The following CEP295NL variants were observed in gnomAD, a reference collection of about 807,000 sequenced individuals.
CEP295NL encodes the protein protein DDC8 homolog.
In CEP295NL, 3 loss-of-function variants were observed where a neutral mutation model predicts 4.6. The observed-to-expected ratio is 0.65, with a 90% confidence interval of 0.30 to 1.69. The LOEUF is 1.69. Ranked by LOEUF, CEP295NL falls within the 40% of genes most tolerant of loss-of-function variation. The probability of loss-of-function intolerance (pLI) is 0.10; values close to 1 mark genes in which losing one functional copy is unlikely to be tolerated. For missense variants in CEP295NL, 719 were observed against 769.0 expected (o/e 0.93, Z 0.77); for synonymous variants, 295 against 312.2 (o/e 0.94, Z 0.58).
At chr17:78,893,637 G>A (rs895595575) in intron 2 of CEP295NL, among the ~76,000 whole-genome samples, 1 of 152,010 alleles carries the variant, frequency 6.6e-6, no homozygotes, top group African/African-American at 2.4e-5. Flanking sequence ...GTGTGTGTAT[G>A]TGTATGTGTC....
In CEP295NL at chr17:78,901,835, G is replaced by A. The variant is rs574621964; in HGVS notation, c.-7C>T. The A allele has an allele frequency of 3.2e-5, 23 of 710,710 alleles. No homozygotes were observed. In the African/African-American group the frequency reaches 3.7e-4, roughly 11 times the overall value. 44.0% of individuals were successfully genotyped at this position (710,710 alleles called of 1,614,324 possible). ...TAGACCACCCAGAACACATTACAGG[G>A]AGGCAGAAGCTGACAGGAGGGCAGG... On this transcript the variant is annotated 5_prime_UTR_variant, in exon 2 of 3. Transcript: ENST00000322630.
In CEP295NL at chr17:78,890,580, AC is replaced by A; in HGVS notation, c.*57del. On this transcript the variant is annotated 3_prime_UTR_variant, in exon 3 of 3. Transcript: ENST00000322630. ...AAACACAGATCTTAGAGACCCGGGT[AC>A]CAGTGCTGGCAGCACCATTATCAGT... 6.7e-7 allele frequency: 1 copy of A among 1,490,234 alleles called. No individual in the cohort carries two copies. The highest frequency in any genetic ancestry group is 9.0e-7 in the Non-Finnish European group (1 of 1,107,324). 92.3% of individuals were successfully genotyped at this position (1,490,234 alleles called of 1,614,324 possible).
intron 1 of CEP295NL, among the ~76,000 whole-genome samples, 165 bp downstream of exon 1, chr17:78,902,969 C>T (rs1258165144): frequency 6.6e-6 from 1 of 152,252 alleles, no homozygotes; most frequent in Non-Finnish European, 1.5e-5. Flanking sequence ...GACTTTGCCG[C>T]TGGCCTTGCG....
chr17:78,890,652 G>T lies in CEP295NL; in HGVS notation c.1852C>A (p.Gln618Lys), dbSNP rs1248792014. ...GCCTCTCGCATTTAGCATATGTTCT[G>T]AAACTCCCGCAAGCATTTCCGGGCT... ...EEARKCLREFQNIC is the reference protein window; with the variant it reads ...EEARKCLREFKNIC The change falls in exon 3 of 3, where the codon CAG (glutamine) becomes AAG (lysine). Residue 618 changes from glutamine (Q) to lysine (K), a missense_variant. Physicochemically the swap from Gln to Lys is moderately conservative, Grantham distance 53. Transcript: ENST00000322630. The T allele has an allele frequency of 1.3e-6, 2 of 1,550,158 alleles. No homozygotes were observed. Among genetic ancestry groups the T allele is most frequent in the Non-Finnish European group, 1.7e-6 (2 of 1,146,664 alleles).
intron 2 of CEP295NL, among the ~76,000 whole-genome samples, chr17:78,900,766 TA>T (rs1016315397): frequency 2.0e-5 from 3 of 151,922 alleles, no homozygotes; most frequent in Non-Finnish European, 4.4e-5. Context: ...TCTTACAAGA[TA>T]AAAAAAGGTA....
In CEP295NL at chr17:78,890,698, C is replaced by A; in HGVS notation, c.1806G>T (p.Leu602Phe). ...QQQQILQQNR[L>F]HKQFLEEARK... ...GGGCTTCTTCAAGAAACTGCTTGTGCAACCTGTTTTGCTGTAAGATCTGCT... is the reference window on the plus strand; with the variant it reads ...GGGCTTCTTCAAGAAACTGCTTGTGAAACCTGTTTTGCTGTAAGATCTGCT... The change falls in exon 3 of 3, where the codon TTG becomes TTT. Residue 602 changes from leucine (L) to phenylalanine (F), a missense_variant. Transcript: ENST00000322630. 3 of 1,550,606 alleles carry A rather than the reference C, an allele frequency of 1.9e-6. No homozygotes were observed. The highest frequency in any genetic ancestry group is 2.6e-6 in the Non-Finnish European group (3 of 1,147,000).
Position 78,891,980 on chromosome 17 carries a change from C to T in CEP295NL, c.524G>A (p.Ser175Asn), listed in dbSNP as rs1471843756. 2 of 1,550,592 alleles carry T rather than the reference C, an allele frequency of 1.3e-6. No homozygotes were observed. Among genetic ancestry groups the T allele is most frequent in the African/African-American group, 1.4e-5 (1 of 73,048 alleles). Residue 175 changes from serine to asparagine, a missense_variant, in exon 3 of 3, where the codon AGT (serine) becomes AAT (asparagine). Ser to Asn is a conservative substitution (Grantham distance 46). Coordinates refer to ENST00000322630, the MANE Select transcript of CEP295NL (RefSeq NM_001243540.2). This position sits in a 1 kb window ranked among gnomAD's most constrained non-coding sequence, Gnocchi z 4.5. ...CTCTTCCCTGCAACTCCTCTCTTCACTAAGGGCTGCTCTATGCTTCTCCTT... is the reference window on the plus strand; with the variant it reads ...CTCTTCCCTGCAACTCCTCTCTTCATTAAGGGCTGCTCTATGCTTCTCCTT... ...RAKEKHRAAL[S>N]EERSCREELG...
chr17:78,894,408 T>C (rs372243472), intron 2 of CEP295NL, among the ~76,000 whole-genome samples: 1 of 151,932 alleles, frequency 6.6e-6, no homozygotes, highest in East Asian at 1.9e-4. Context: ...GATCACACAA[T>C]TAGAATAGTG....
At chr17:78,893,393 GTA>G (rs1446612014) in intron 2 of CEP295NL, among the ~76,000 whole-genome samples, 4 of 147,448 alleles carry the variant, frequency 2.7e-5, no homozygotes, top group Admixed American at 6.7e-5. Context: ...GCAGGGGTGT[GTA>G]TGCAGGGGTG....
intron 2 of CEP295NL, chr17:78,899,580 A>G (rs2070057629): frequency 6.6e-6 from 1 of 152,266 alleles, no homozygotes; most frequent in Non-Finnish European, 1.5e-5. Flanking sequence ...CTGGGCCTAG[A>G]GGCTTGAGAA....
intron 2 of CEP295NL, among the ~76,000 whole-genome samples, chr17:78,894,427 T>A (rs1441196412): frequency 2.6e-5 from 4 of 151,984 alleles, no homozygotes; most frequent in Admixed American, 2.6e-4. Context: ...TGGTTAATAT[T>A]ATATTTAGCC....
chr17:78,898,304 C>T (rs568220878), intron 2 of CEP295NL: 9 of 152,390 alleles, frequency 5.9e-5, no homozygotes, highest in African/African-American at 1.2e-4. Flanking sequence ...CCACATAGCT[C>T]GTAATCAGGG....
chr17:78,892,418 G>A lies in CEP295NL; in HGVS notation c.86C>T (p.Pro29Leu), dbSNP rs756170302. The A allele has an allele frequency of 5.9e-5, 92 of 1,550,186 alleles. No individual in the cohort carries two copies. The highest frequency in any genetic ancestry group is 3.7e-4 in the African/African-American group (27 of 73,046). Residue 29 changes from proline (P) to leucine (L), a missense_variant, in exon 3 of 3, where the codon CCG (proline) becomes CTG (leucine). Transcript: ENST00000322630. ...ERCGFCGSSGPGAPLEPSTLG... is the reference protein window; with the variant it reads ...ERCGFCGSSGLGAPLEPSTLG... ...AGTGGAGGGTTCAAGGGGCGCCCCC[G>A]GGCCTGAGGAGCCACAGAAGCCACA...
intron 2 of CEP295NL, chr17:78,897,240 C>T (rs971668745): frequency 6.6e-6 from 1 of 152,552 alleles, no homozygotes; most frequent in Non-Finnish European, 1.5e-5. Context: ...CACAGTCAGG[C>T]CTGCACCCCG....
At chr17:78,895,927 T>C (rs2069991956) in intron 2 of CEP295NL, among the ~76,000 whole-genome samples, 1 of 152,244 alleles carries the variant, frequency 6.6e-6, no homozygotes, top group African/African-American at 2.4e-5. Context: ...TTCCCTGCTC[T>C]GGAAGTGCCC....
In CEP295NL at chr17:78,892,134, G is replaced by A. The variant is rs1189745755; in HGVS notation, c.370C>T (p.Leu124=). 3.2e-6 allele frequency: 5 copies of A among 1,550,794 alleles called. No individual in the cohort carries two copies. The highest frequency in any genetic ancestry group is 2.6e-6 in the Non-Finnish European group (3 of 1,147,138). The change falls in exon 3 of 3, where the codon CTG becomes TTG. Residue 124 remains leucine, a synonymous_variant. Transcript: ENST00000322630. ...LRRGYQEAQH[L]HVGGLDRLQS... is the part of the protein sequence containing the mutation. The stretch of plus-strand genomic sequence containing the variant: ...AGCCTGTCCAGGCCACCGACGTGCA[G>A]GTGCTGTGCCTCCTGATACCCTCTC...
rs756566862 is a variant in CEP295NL at position 78,890,643 on chromosome 17, A to C, written c.1861T>G (p.Cys621Gly). Residue 621 changes from cysteine (C) to glycine (G), a missense_variant, in exon 3 of 3, where the codon TGC (cysteine) becomes GGC (glycine). By Grantham distance (159) the Cys-to-Gly change is radical. Transcript: ENST00000322630. ...RKCLREFQNI[C>G] ...CCCGGGTGGGCCTCTCGCATTTAGC[A>C]TATGTTCTGAAACTCCCGCAAGCAT... is the stretch of plus-strand genomic sequence containing the variant. The C allele has an allele frequency of 6.5e-7, 1 of 1,549,858 alleles. No individual in the cohort carries two copies. The highest frequency in any genetic ancestry group is 8.7e-7 in the Non-Finnish European group (1 of 1,146,346).
chr17:78,893,030 C>T (rs1340837830), intron 2 of CEP295NL, among the ~76,000 whole-genome samples: 2 of 152,010 alleles, frequency 1.3e-5, no homozygotes, highest in African/African-American at 2.4e-5. Context: ...GAGGAAGAGA[C>T]GGGGCAGGGA....
At position 78,897,039 on chromosome 17, in the gene CEP295NL, C is replaced by T. The variant is rs536266999; in HGVS notation, c.45-4580G>A. The T allele has an allele frequency of 1.1e-4, 105 of 979,778 alleles. No homozygotes were observed. In the African/African-American group the frequency reaches 1.7e-3, roughly 16 times the overall value. The allele number at this position is 979,778 out of a possible 1,614,324, so 60.7% of individuals were successfully genotyped here. A position where few individuals can be genotyped will look rare whatever the true frequency, so the allele number is the denominator to read the frequency against. On this transcript the variant is annotated intron_variant, in intron 2 of 2. Coordinates refer to ENST00000322630, the MANE Select transcript of CEP295NL (RefSeq NM_001243540.2). ...AGACAGCTTTTCAGCCAAGGCAGAC[C>T]TCACCCAGGGACCCTCCACCCAGGC...
Sources: allele counts gnomAD v4.1 joint callset (sites outside exome capture counted in the v4.1 genomes callset), GRCh38; gene constraint gnomAD v4.1.1; non-coding constraint Gnocchi (gnomAD v3.1); transcripts MANE v1.5; gene names NCBI Gene and HGNC (gene_info 2026-07-23, HGNC 2026-07-21).